Variants in CNTNAP5 observed in about 807,000 individuals in gnomAD.
The protein encoded by CNTNAP5 is contactin associated protein family member 5.
Under a neutral mutation model 150.2 loss-of-function variants are expected in CNTNAP5, and 72 were observed. The observed-to-expected ratio is 0.48, with a 90% CI of 0.40 to 0.58. The LOEUF (loss-of-function observed/expected upper bound fraction) is 0.58, where lower values mean the gene tolerates loss of function less well. Among genes scored for constraint, CNTNAP5 ranks in the 20% least tolerant of loss-of-function variants. CNTNAP5 has a pLI of 0.00. For missense variants in CNTNAP5, 1,636 were observed against 1,626.2 expected (o/e 1.01, Z -0.10); for synonymous variants, 672 against 619.8 (o/e 1.08, Z -1.25).
At chr2:124,283,544 C>A (rs1472327119) in intron 3 of CNTNAP5, among the ~76,000 whole-genome samples, 2 of 152,118 alleles carry the variant, frequency 1.3e-5, no homozygotes, top group African/African-American at 2.4e-5. Context: ...CAATCAAGCA[C>A]ATAGGAATAA....
In CNTNAP5 at chr2:124,918,178, T is replaced by C. The variant is rs756345732; in HGVS notation, c.*3890T>C. 6.6e-6 allele frequency among the ~76,000 whole-genome samples: 1 copy of C among 152,028 alleles called. No individual in the cohort carries two copies. The highest frequency in any genetic ancestry group is 2.1e-4 in the South Asian group (1 of 4,830). ...GAGTTGGACCTAAGAGTGTCCACTT[T>C]GGCCCCTCTCCTTCCCTTTTCTCAG... On this transcript the variant is annotated 3_prime_UTR_variant, in exon 24 of 24. Transcript: ENST00000682447.
chr2:124,372,040 C>T (rs928409241), intron 3 of CNTNAP5, among the ~76,000 whole-genome samples: 2 of 151,996 alleles, frequency 1.3e-5, no homozygotes, highest in Non-Finnish European at 2.9e-5. Flanking sequence ...AGGAATCACC[C>T]TAAACCTGGA....
At chr2:124,750,307 T>C (rs1680697095) in intron 14 of CNTNAP5, among the ~76,000 whole-genome samples, 1 of 152,148 alleles carries the variant, frequency 6.6e-6, no homozygotes, top group Admixed American at 6.5e-5. Flanking sequence ...GGATGTCCCA[T>C]AGCAGCACGT....
chr2:124,883,751 C>A (rs758199941), intron 21 of CNTNAP5, among the ~76,000 whole-genome samples: 8 of 152,026 alleles, frequency 5.3e-5, no homozygotes, highest in Non-Finnish European at 7.4e-5. Context: ...CATGTATATG[C>A]ATATGGGTGC....
In CNTNAP5 at chr2:124,497,235, C is replaced by A. The variant is rs575713914; in HGVS notation, c.1063-7057C>A. On this transcript the variant is annotated intron_variant, in intron 7 of 23. Transcript: ENST00000682447. ...ACTAATAGTAAACAGTAATAGGTGT[C>A]TTTGGGTAGTGAAAGGAGTCCAAAA... 4.6e-5 allele frequency among the ~76,000 whole-genome samples: 7 copies of A among 152,260 alleles called. No homozygotes were observed. The East Asian group carries it at 1.4e-3, about 29-fold the overall frequency.
chr2:124,747,374 C>T lies in CNTNAP5; in HGVS notation c.2223C>T (p.Asp741=). 6.2e-7 allele frequency: 1 copy of T among 1,613,696 alleles called. No homozygotes were observed. The change falls in exon 14 of 24, where the codon GAC becomes GAT. Residue 741 remains aspartate (D), a synonymous_variant. Coordinates refer to ENST00000682447, the MANE Select transcript of CNTNAP5 (RefSeq NM_001367498.1). ...AGCACTTTTGCAATTGCGACGCTGA[C>T]AAGGATGAATGGTAATGAGAATCTC... ...DIQHFCNCDA[D]KDEWTNDTGF... is the part of the protein sequence containing the mutation.
chr2:124,706,784 A>AG, intron 13 of CNTNAP5, among the ~76,000 whole-genome samples: 2 of 37,618 alleles, frequency 5.3e-5, no homozygotes, highest in Non-Finnish European at 1.1e-4. Context: ...AAGAAGAAGA[A>AG]GAAGAAGAAG....
chr2:124,081,671 G>T (rs1160048942), intron 1 of CNTNAP5, among the ~76,000 whole-genome samples: 5 of 152,184 alleles, frequency 3.3e-5, no homozygotes, highest in African/African-American at 1.2e-4. Flanking sequence ...GCAAGTGAGT[G>T]CCTTTATATG....
At chr2:124,607,026 G>A (rs954508214) in intron 11 of CNTNAP5, among the ~76,000 whole-genome samples, 2 of 151,904 alleles carry the variant, frequency 1.3e-5, no homozygotes, top group Non-Finnish European at 2.9e-5. Flanking sequence ...GCCATATGTG[G>A]ATTGTGTCTT....
At position 124,773,683 on chromosome 2, in the gene CNTNAP5, G is replaced by A. The variant is rs1345380229; in HGVS notation, c.2752+666G>A. Among the ~76,000 whole-genome samples, 4 of 152,014 alleles carry A rather than the reference G, an allele frequency of 2.6e-5. No individual in the cohort carries two copies. The East Asian group carries it at 7.7e-4, about 29-fold the overall frequency. ...TCATAGTCACTGAGCATCTACAACT[G>A]GTCAGGTATCTTGTTAGATAGTGGG... On this transcript the variant is annotated intron_variant, in intron 17 of 23. Transcript: ENST00000682447.
intron 19 of CNTNAP5, among the ~76,000 whole-genome samples, chr2:124,840,623 A>G (rs1682925955): frequency 6.6e-6 from 1 of 152,092 alleles, no homozygotes; most frequent in Non-Finnish European, 1.5e-5. Flanking sequence ...CTCACAATCC[A>G]GAAAAGCTTT....
intron 3 of CNTNAP5, among the ~76,000 whole-genome samples, chr2:124,362,555 A>C (rs1308927546): frequency 6.6e-6 from 1 of 152,182 alleles, no homozygotes; most frequent in Non-Finnish European, 1.5e-5. Flanking sequence ...AACTTCGAGC[A>C]TGTCTTTCAG....
rs1573861724 is a variant in CNTNAP5, at chr2:124,242,578, G to A, written c.381+185G>A. 7.7e-6 allele frequency: 4 copies of A among 519,874 alleles called. No individual in the cohort carries two copies. The Admixed American group carries it at 1.4e-4, about 19-fold the overall frequency. The allele number at this position is 519,874 out of a possible 1,614,324, so 32.2% of individuals were successfully genotyped here. On this transcript the variant is annotated intron_variant, in intron 3 of 23. Transcript: ENST00000682447. Reference sequence around the variant, plus strand: ...TGGTTCTACTTCCTAGGAAAATTAGGATGTCTGTCGCAAATAGTTTAGTAT... The same window carrying A: ...TGGTTCTACTTCCTAGGAAAATTAGAATGTCTGTCGCAAATAGTTTAGTAT...
At chr2:124,774,844 G>A (rs1238526229) in intron 17 of CNTNAP5, among the ~76,000 whole-genome samples, 2 of 152,178 alleles carry the variant, frequency 1.3e-5, no homozygotes, top group African/African-American at 4.8e-5. Flanking sequence ...GGCTGGATAT[G>A]TGATAAAGTT....
chr2:124,077,961 A>T (rs1682476805), intron 1 of CNTNAP5, among the ~76,000 whole-genome samples: 1 of 152,192 alleles, frequency 6.6e-6, no homozygotes, highest in Non-Finnish European at 1.5e-5. Flanking sequence ...TCCACTGCAG[A>T]GTTTCTAGTG....
At chr2:124,539,111 AGAGAAGG>A (rs575777901) in intron 10 of CNTNAP5, among the ~76,000 whole-genome samples, 2 of 152,224 alleles carry the variant, frequency 1.3e-5, no homozygotes, top group African/African-American at 2.4e-5. Context: ...CAGTTGGAAG[AGAGAAGG>A]AGTATAATAT....
intron 6 of CNTNAP5, among the ~76,000 whole-genome samples, chr2:124,469,696 T>A (rs1693457829): frequency 6.6e-6 from 1 of 152,056 alleles, no homozygotes; most frequent in Admixed American, 6.6e-5. Flanking sequence ...AAGCCCAGCA[T>A]CCATTAGCTA....
chr2:124,534,280 G>A (rs1281127745), intron 10 of CNTNAP5, among the ~76,000 whole-genome samples: 28 of 152,086 alleles, frequency 1.8e-4, no homozygotes, highest in Admixed American at 6.6e-5. Flanking sequence ...AAAATTTGGA[G>A]TGACTCCATG....
intron 21 of CNTNAP5, among the ~76,000 whole-genome samples, chr2:124,896,351 T>C (rs550770241): frequency 1.1e-3 from 164 of 151,600 alleles, no homozygotes; most frequent in Middle Eastern, 3.4e-3. Context: ...TATTTTTTCA[T>C]TCACTAATTT....
Sources: allele counts gnomAD v4.1 joint callset (sites outside exome capture counted in the v4.1 genomes callset), GRCh38; gene constraint gnomAD v4.1.1; transcripts MANE v1.5; gene names NCBI Gene and HGNC (gene_info 2026-07-23, HGNC 2026-07-21).